MSI2: variants seen among roughly 807,000 people sequenced by gnomAD.
MSI2 encodes the protein RNA-binding protein Musashi homolog 2.
MSI2 carries 17 observed loss-of-function variants against 45.6 expected under a neutral mutation model. That is an observed-to-expected ratio of 0.37 (90% CI 0.26 to 0.56). The LOEUF is 0.56. Among genes scored for constraint, MSI2 ranks in the 20% least tolerant of loss-of-function variants. The pLI, the probability that MSI2 is intolerant of heterozygous loss-of-function variation, is 0.77. For missense variants in MSI2, 293 were observed against 444.2 expected (o/e 0.66, Z 3.06); for synonymous variants, 156 against 158.2 (o/e 0.99, Z 0.11).
At chr17:57,645,906 G>A (rs1007819105) in intron 10 of MSI2, among the ~76,000 whole-genome samples, 13 of 152,208 alleles carry the variant, frequency 8.5e-5, no homozygotes, top group African/African-American at 1.4e-4. Context: ...CCATAGCTGT[G>A]TCCCATCTGC....
chr17:57,392,179 G>A (rs977360926), intron 5 of MSI2, among the ~76,000 whole-genome samples: 4 of 152,142 alleles, frequency 2.6e-5, no homozygotes, highest in African/African-American at 4.8e-5. Context: ...TACCTTTGTC[G>A]GTTACCTCCC....
chr17:57,378,236 C>A (rs1164893820), intron 5 of MSI2, among the ~76,000 whole-genome samples: 2 of 152,026 alleles, frequency 1.3e-5, no homozygotes, highest in South Asian at 4.2e-4. Flanking sequence ...AGGCATGTAC[C>A]TCCATGTCCG....
chr17:57,447,948 C>T (rs1408504530), intron 6 of MSI2, among the ~76,000 whole-genome samples: 1 of 152,232 alleles, frequency 6.6e-6, no homozygotes, highest in Non-Finnish European at 1.5e-5. Context: ...AGCCCTTCAT[C>T]TGAAATATCA....
chr17:57,370,976 T>C (rs2083411723), intron 5 of MSI2, among the ~76,000 whole-genome samples: 1 of 152,246 alleles, frequency 6.6e-6, no homozygotes, highest in African/African-American at 2.4e-5. Context: ...TCTGATTTGA[T>C]CCGCAGGAGA....
chr17:57,564,701 G>A (rs2087685291), intron 7 of MSI2, among the ~76,000 whole-genome samples: 1 of 152,210 alleles, frequency 6.6e-6, no homozygotes, highest in African/African-American at 2.4e-5. Context: ...CTGACCTTTG[G>A]AATTGGGAGT....
At chr17:57,675,722 A>C (rs1333861408) in intron 12 of MSI2, among the ~76,000 whole-genome samples, 3 of 152,138 alleles carry the variant, frequency 2.0e-5, no homozygotes, top group Non-Finnish European at 4.4e-5. Flanking sequence ...TCCTTTGCTA[A>C]TGTTTCTTAC....
intron 10 of MSI2, among the ~76,000 whole-genome samples, chr17:57,650,835 C>T (rs559362928): frequency 6.6e-6 from 1 of 152,246 alleles, no homozygotes; most frequent in Admixed American, 6.5e-5. Context: ...GGAGCTTTGT[C>T]TCTGCTTTCT....
chr17:57,316,002 GTCA>G (rs1340054309), intron 5 of MSI2, among the ~76,000 whole-genome samples: 1 of 152,038 alleles, frequency 6.6e-6, no homozygotes, highest in Non-Finnish European at 1.5e-5. Flanking sequence ...AATCACATTT[GTCA>G]TCATCATCAT....
intron 6 of MSI2, among the ~76,000 whole-genome samples, chr17:57,477,931 T>C (rs1246109880): frequency 6.6e-6 from 1 of 152,206 alleles, no homozygotes; most frequent in Non-Finnish European, 1.5e-5. Flanking sequence ...CAGCCCCTTC[T>C]GCACCTCCAG....
chr17:57,470,910 G>A (rs1430733838), intron 6 of MSI2, among the ~76,000 whole-genome samples: 1 of 152,192 alleles, frequency 6.6e-6, no homozygotes, highest in Non-Finnish European at 1.5e-5. Flanking sequence ...GGGCCCTTAT[G>A]GAGGTTAAGT....
chr17:57,334,416 G>A (rs1004232530), intron 5 of MSI2, among the ~76,000 whole-genome samples: 19 of 152,104 alleles, frequency 1.2e-4, no homozygotes, highest in African/African-American at 4.3e-4. Flanking sequence ...ATGTGCAAAG[G>A]GGCTTGGCAT....
rs1405653926 is a variant in MSI2, at chr17:57,597,635, A to T, written c.537+685A>T. Among the ~76,000 whole-genome samples, 3 of 152,182 alleles carry T rather than the reference A, an allele frequency of 2.0e-5. No homozygotes were observed. The East Asian group carries it at 5.8e-4, about 29-fold the overall frequency. Reference sequence around the variant, plus strand: ...AGTGAAACCCTGTCTCAAAAAAAATAAAAATAAAATAAAATGTAAAAGCCG... The same window carrying T: ...AGTGAAACCCTGTCTCAAAAAAAATTAAAATAAAATAAAATGTAAAAGCCG... On this transcript the variant is annotated intron_variant, in intron 8 of 13. Transcript: ENST00000284073.
At chr17:57,474,863 C>T (rs1224977264) in intron 6 of MSI2, among the ~76,000 whole-genome samples, 3 of 152,014 alleles carry the variant, frequency 2.0e-5, no homozygotes, top group Non-Finnish European at 2.9e-5. Flanking sequence ...GGATTACAGG[C>T]GTGCACCACC....
intron 8 of MSI2, among the ~76,000 whole-genome samples, chr17:57,615,541 TG>T (rs1327966843): frequency 6.6e-6 from 1 of 152,226 alleles, no homozygotes; most frequent in Non-Finnish European, 1.5e-5. Flanking sequence ...GAAGAGTCAC[TG>T]GCCTGAGAGA....
At chr17:57,547,167 G>A (rs957440721) in intron 7 of MSI2, among the ~76,000 whole-genome samples, 2 of 152,192 alleles carry the variant, frequency 1.3e-5, no homozygotes, top group African/African-American at 4.8e-5. Flanking sequence ...ACTGATTGAT[G>A]TGTTGGTAGG....
At chr17:57,378,180 A>G (rs1211851651) in intron 5 of MSI2, among the ~76,000 whole-genome samples, 2 of 151,964 alleles carry the variant, frequency 1.3e-5, no homozygotes, top group Non-Finnish European at 2.9e-5. Flanking sequence ...TGGCGCACAC[A>G]ATCTTGGTTC....
intron 5 of MSI2, among the ~76,000 whole-genome samples, chr17:57,288,901 C>G (rs1337548173): frequency 6.6e-6 from 1 of 152,184 alleles, no homozygotes; most frequent in East Asian, 1.9e-4. Context: ...TCCCCGGCCT[C>G]TACCCACTAG....
intron 10 of MSI2, among the ~76,000 whole-genome samples, chr17:57,645,419 T>TTTTTTTG (rs1474867578): frequency 4.5e-4 from 68 of 151,940 alleles, no homozygotes; most frequent in African/African-American, 1.6e-3. Flanking sequence ...ATCTGGGAAG[T>TTTTTTTG]TTTTTTGTTT....
chr17:57,511,935 A>T (rs1476632527), intron 6 of MSI2, among the ~76,000 whole-genome samples: 3 of 152,126 alleles, frequency 2.0e-5, no homozygotes, highest in Non-Finnish European at 2.9e-5. Flanking sequence ...TCCACTCCAG[A>T]CACACACACC....
Sources: gnomAD v4.1 joint callset for allele counts (sites outside exome capture counted in the v4.1 genomes callset) on GRCh38, gnomAD v4.1.1 for gene constraint, MANE v1.5 for transcripts, NCBI Gene and HGNC (gene_info 2026-07-23, HGNC 2026-07-21) for gene names.